PTCD2: variants seen among roughly 807,000 people sequenced by gnomAD.
The protein encoded by PTCD2 is pentatricopeptide repeat-containing protein 2, mitochondrial.
A neutral mutation model predicts 42.6 loss-of-function variants in PTCD2; 31 were observed. The observed-to-expected ratio is 0.73, with a 90% CI of 0.55 to 0.98. The LOEUF is 0.98. Ranked by LOEUF, PTCD2 falls within the 50% of genes least tolerant of loss-of-function variation. The probability of loss-of-function intolerance (pLI) is 0.00; values close to 1 mark genes in which losing one functional copy is unlikely to be tolerated. For synonymous variants in PTCD2, 183 were observed against 170.9 expected (o/e 1.07, Z -0.55); for missense variants, 476 against 454.8 (o/e 1.05, Z -0.42).
At chr5:72,351,075 A>G (rs1426130915) in intron 8 of PTCD2, among the ~76,000 whole-genome samples, 2 of 152,226 alleles carry the variant, frequency 1.3e-5, no homozygotes, top group East Asian at 3.8e-4. Context: ...ATTGACCAAA[A>G]GTAGAATCAA....
At chr5:72,331,959 T>C (rs1288238414) in intron 4 of PTCD2, among the ~76,000 whole-genome samples, 3 of 152,216 alleles carry the variant, frequency 2.0e-5, no homozygotes, top group Non-Finnish European at 4.4e-5. Flanking sequence ...TTCCATTTTG[T>C]AGATAAAGAA....
chr5:72,331,175 C>G, intron 3 of PTCD2, 83 bp from the exon 4 acceptor site: 1 of 874,890 alleles, frequency 1.1e-6, no homozygotes, highest in South Asian at 1.4e-5. Context: ...GTCCCAGTAC[C>G]TGGCACAGTA....
Position 72,366,970 on chromosome 5 carries a change from T to C in PTCD2, c.*8543T>C, listed in dbSNP as rs560372049. On this transcript the variant is annotated 3_prime_UTR_variant, in exon 10 of 10. Transcript: ENST00000380639. ...GAGAAGGAAAATCCCCCCAATTAAC[T>C]GTTTGCCTTTATTAACTAAAATCAC... 1 of 152,366 alleles carries C rather than the reference T, an allele frequency of 6.6e-6. No homozygotes were observed. Among genetic ancestry groups the C allele is most frequent in the African/African-American group, 2.4e-5 (1 of 41,592 alleles). 9.4% of individuals were successfully genotyped at this position (152,366 alleles called of 1,614,324 possible). A position where few individuals can be genotyped will look rare whatever the true frequency, so the allele number is the denominator to read the frequency against.
At chr5:72,346,509 G>A (rs1212108907) in intron 8 of PTCD2, among the ~76,000 whole-genome samples, 1 of 152,192 alleles carries the variant, frequency 6.6e-6, no homozygotes, top group African/African-American at 2.4e-5. Flanking sequence ...GGGGGCTGAA[G>A]CAGAAACTAC....
chr5:72,347,724 T>G (rs1288650738), intron 8 of PTCD2, among the ~76,000 whole-genome samples: 1 of 152,064 alleles, frequency 6.6e-6, no homozygotes, highest in African/African-American at 2.4e-5. Context: ...GATTTGATTT[T>G]TTTTTTTTCC....
chr5:72,328,236 C>T (rs1424427689), intron 3 of PTCD2, among the ~76,000 whole-genome samples: 1 of 152,212 alleles, frequency 6.6e-6, no homozygotes, highest in Non-Finnish European at 1.5e-5. Context: ...CAGATGAAGC[C>T]ACTCACTCAT....
At chr5:72,324,590 C>G (rs1370720110) in intron 2 of PTCD2, among the ~76,000 whole-genome samples, 1 of 152,186 alleles carries the variant, frequency 6.6e-6, no homozygotes, top group East Asian at 1.9e-4. Context: ...CCAACCTGGT[C>G]TGTTCTGAGT....
Position 72,331,332 on chromosome 5 carries a change from A to G in PTCD2, c.425A>G (p.Glu142Gly), listed in dbSNP as rs1751429403. The change falls in exon 4 of 10, where the codon GAG becomes GGG. Residue 142 changes from glutamate (E) to glycine (G), a missense_variant. By Grantham distance (98) the Glu-to-Gly change is moderately conservative. Transcript: ENST00000380639. ...FGPLFVRLCY[E>G]LDLEESAVEL... Reference sequence around the variant, plus strand: ...CCGCTTTTTGTGAGGTTGTGTTACGAGTTGGATCTCGAGGAATCTGCAGTG... The same window carrying G: ...CCGCTTTTTGTGAGGTTGTGTTACGGGTTGGATCTCGAGGAATCTGCAGTG... 6.2e-7 allele frequency: 1 copy of G among 1,613,918 alleles called. No individual in the cohort carries two copies. Among genetic ancestry groups the G allele is most frequent in the Non-Finnish European group, 8.5e-7 (1 of 1,179,940 alleles).
At chr5:72,334,413 G>T (rs1004069579) in intron 4 of PTCD2, among the ~76,000 whole-genome samples, 2 of 152,284 alleles carry the variant, frequency 1.3e-5, no homozygotes, top group African/African-American at 4.8e-5. Flanking sequence ...GGGTTAACTG[G>T]CTAGTTTCTT....
In PTCD2 at chr5:72,361,246, T is replaced by C. The variant is rs778833705; in HGVS notation, c.*2819T>C. 6.6e-6 allele frequency: 1 copy of C among 152,168 alleles called. No individual in the cohort carries two copies. The highest frequency in any genetic ancestry group is 1.5e-5 in the Non-Finnish European group (1 of 68,036). The allele number at this position is 152,168 out of a possible 1,614,324, so 9.4% of individuals were successfully genotyped here. ...ACTCAGTGACTTTAAACAACACCAG[T>C]CATTGTGTTATTTCTCATTATCCTA... is the stretch of plus-strand genomic sequence containing the variant. On this transcript the variant is annotated 3_prime_UTR_variant, in exon 10 of 10. Transcript: ENST00000380639.
chr5:72,331,606 T>C (rs756792004), intron 4 of PTCD2, among the ~76,000 whole-genome samples: 7 of 152,196 alleles, frequency 4.6e-5, no homozygotes, highest in Non-Finnish European at 5.9e-5. Context: ...GATCCTACCT[T>C]GGATGTGTAT....
At position 72,335,589 on chromosome 5, in the gene PTCD2, T is replaced by C. The variant is rs189770925; in HGVS notation, c.548-205T>C. 7 of 447,744 alleles carry C rather than the reference T, an allele frequency of 1.6e-5. 1 individual carries two copies. The Admixed American group carries it at 2.7e-4, about 18-fold the overall frequency. The allele number at this position is 447,744 out of a possible 1,614,324, so 27.7% of individuals were successfully genotyped here. On this transcript the variant is annotated intron_variant, in intron 5 of 9. Transcript: ENST00000380639. ...ATCCCAGATTTTACTTATGCTAAAA[T>C]TGTGAAGCAGCTTTTAAAACATTAG... is the stretch of plus-strand genomic sequence containing the variant.
chr5:72,326,632 A>G lies in PTCD2; in HGVS notation c.241A>G (p.Lys81Glu). ...TCCAGAAACGTATTTTAGAAACTTG[A>G]AAAAGAAACTGACCCAGAACAAGCT... Reference protein sequence around the residue: ...GTKETYFRNLKKKLTQNKLIL... With the variant: ...GTKETYFRNLEKKLTQNKLIL... The change falls in exon 3 of 10, where the codon AAA becomes GAA. Residue 81 changes from lysine to glutamate, a missense_variant. Transcript: ENST00000380639. 6.2e-7 allele frequency: 1 copy of G among 1,614,184 alleles called. No homozygotes were observed. The highest frequency in any genetic ancestry group is 8.5e-7 in the Non-Finnish European group (1 of 1,180,002).
chr5:72,353,580 A>G (rs1752725124), intron 9 of PTCD2, among the ~76,000 whole-genome samples: 1 of 152,238 alleles, frequency 6.6e-6, no homozygotes, highest in African/African-American at 2.4e-5. Context: ...AGGGGCAGTA[A>G]GAGTTGCTAG....
At chr5:72,351,812 G>A (rs1219165683) in intron 8 of PTCD2, among the ~76,000 whole-genome samples, 2 of 152,056 alleles carry the variant, frequency 1.3e-5, no homozygotes, top group South Asian at 4.2e-4. Context: ...ATGAAATTTG[G>A]GTGGGGACAC....
Position 72,358,650 on chromosome 5 carries a change from C to G in PTCD2, c.*223C>G. 1 of 561,676 alleles carries G rather than the reference C, an allele frequency of 1.8e-6. No homozygotes were observed. Among genetic ancestry groups the G allele is most frequent in the African/African-American group, 1.9e-5 (1 of 53,244 alleles). The allele number at this position is 561,676 out of a possible 1,614,324, so 34.8% of individuals were successfully genotyped here. A position where few individuals can be genotyped will look rare whatever the true frequency, so the allele number is the denominator to read the frequency against. On this transcript the variant is annotated 3_prime_UTR_variant, in exon 10 of 10. Transcript: ENST00000380639. ...CTTGGCTCCCTCAGAAAGGCGCTTC[C>G]CTTTTGCATGGCTGAGGATCCTTGA...
intron 4 of PTCD2, among the ~76,000 whole-genome samples, chr5:72,332,449 C>T (rs186210014): frequency 2.6e-5 from 4 of 152,074 alleles, no homozygotes; most frequent in Non-Finnish European, 2.9e-5. Context: ...GAAAGATAGA[C>T]ACTAAATCAC....
chr5:72,349,689 CAACT>C (rs1752526663), intron 8 of PTCD2, among the ~76,000 whole-genome samples: 1 of 152,102 alleles, frequency 6.6e-6, no homozygotes, highest in African/African-American at 2.4e-5. Context: ...TGTTCCTTAC[CAACT>C]GAGTTTCCCT....
chr5:72,331,749 T>A (rs1751449581), intron 4 of PTCD2, among the ~76,000 whole-genome samples: 1 of 152,212 alleles, frequency 6.6e-6, no homozygotes, highest in South Asian at 2.1e-4. Context: ...TTTTTCTGGT[T>A]GAAGACTACA....
Sources: gnomAD v4.1 joint callset for allele counts (sites outside exome capture counted in the v4.1 genomes callset) on GRCh38, gnomAD v4.1.1 for gene constraint, MANE v1.5 for transcripts, NCBI Gene and HGNC (gene_info 2026-07-23, HGNC 2026-07-21) for gene names.